Variants in PKD1 observed in about 807,000 individuals in gnomAD.
PKD1 encodes polycystin 1, transient receptor potential channel interacting, also known as polycystin-1.
Under a neutral mutation model 361.7 loss-of-function variants are expected in PKD1, and 81 were observed. The ratio of observed to expected loss-of-function variants is 0.22; its 90% CI spans 0.19 to 0.27. The LOEUF (loss-of-function observed/expected upper bound fraction) is 0.27, where lower values mean the gene tolerates loss of function less well. Ranked by LOEUF, PKD1 falls within the 10% of genes least tolerant of loss-of-function variation. The pLI, the probability that PKD1 is intolerant of heterozygous loss-of-function variation, is 1.00. For missense variants in PKD1, 6,399 were observed against 6,118.3 expected (o/e 1.05, Z -1.53); for synonymous variants, 3,615 against 2,818.3 (o/e 1.28, Z -8.95).
intron 23 of PKD1, 29 bp downstream of exon 23, chr16:2,103,237 G>A (rs1315081521): frequency 1.8e-5 from 29 of 1,606,602 alleles, no homozygotes; most frequent in Non-Finnish European, 2.3e-5. Flanking sequence ...AGGCCAGGGG[G>A]CCGCGTGTGC....
At position 2,108,651 on chromosome 16, in the gene PKD1, G is replaced by A. The variant is rs769005757; in HGVS notation, c.6516C>T (p.His2172=). 3.2e-5 allele frequency: 50 copies of A among 1,562,922 alleles called. No individual in the cohort carries two copies. Among genetic ancestry groups the A allele is most frequent in the South Asian group, 5.9e-5 (5 of 85,338 alleles). The part of the protein sequence containing the change: ...RRSQRNYLEA[H]VDLRDCVTYQ... ...AGGTGACGCAGTCGCGCAGGTCAACGTGGGCCTCCAAGTAGTTGCGCTGTG... is the reference window on the plus strand; with the variant it reads ...AGGTGACGCAGTCGCGCAGGTCAACATGGGCCTCCAAGTAGTTGCGCTGTG... The change falls in exon 15 of 46, where the codon CAC becomes CAT. Residue 2172 remains histidine (H), a synonymous_variant. Transcript: ENST00000262304.
chr16:2,114,511 C>A lies in PKD1; in HGVS notation c.2512G>T (p.Val838Leu), dbSNP rs764575507. 1.9e-6 allele frequency: 3 copies of A among 1,595,554 alleles called. No individual in the cohort carries two copies. Among genetic ancestry groups the A allele is most frequent in the Non-Finnish European group, 8.5e-7 (1 of 1,179,244 alleles). ...ACCAAGGCTGAGCCGTTGGTGGGCA[C>A]GTAGAGGCGGCCGTCGCGGGGGGCA... ...YPAPRDGRLY[V>L]PTNGSALVLQ... The change falls in exon 11 of 46, where the codon GTG becomes TTG. Residue 838 changes from valine (V) to leucine (L), a missense_variant. Val to Leu is a conservative substitution (Grantham distance 32). Transcript: ENST00000262304.
At position 2,111,603 on chromosome 16, in the gene PKD1, G is replaced by A. The variant is rs1047922967; in HGVS notation, c.3564C>T (p.His1188=). ...NHTYASRGTY[H]VRLEVNNTVS... is the part of the protein sequence containing the mutation. ...CCGTGTTGTTGACCTCCAGGCGCACGTGGTAGGTGCCCCTCGAGGCATAGG... is the reference window on the plus strand; with the variant it reads ...CCGTGTTGTTGACCTCCAGGCGCACATGGTAGGTGCCCCTCGAGGCATAGG... Residue 1188 remains histidine (H), a synonymous_variant, in exon 15 of 46, where the codon CAC becomes CAT. Coordinates refer to ENST00000262304, the MANE Select transcript of PKD1 (RefSeq NM_001009944.3). 1.1e-5 allele frequency: 18 copies of A among 1,574,362 alleles called. No homozygotes were observed. Among genetic ancestry groups the A allele is most frequent in the Non-Finnish European group, 1.5e-5 (17 of 1,161,048 alleles).
At position 2,130,011 on chromosome 16, in the gene PKD1, A is replaced by T. The variant is rs182668718; in HGVS notation, c.215+5464T>A. 3.5e-3 allele frequency among the ~76,000 whole-genome samples: 533 copies of T among 152,218 alleles called. 1 individual carries two copies. The highest frequency in any genetic ancestry group is 0.012 in the African/African-American group (514 of 41,540). ...CACATTCCCAACTGCTGCAGACACA[A>T]CCAAAGCCTCCCCATCCCTTCCCCC... On this transcript the variant is annotated intron_variant, in intron 1 of 45. Coordinates refer to ENST00000262304, the MANE Select transcript of PKD1 (RefSeq NM_001009944.3).
chr16:2,104,332 G>C (rs1431977704), intron 22 of PKD1, among the ~76,000 whole-genome samples, 166 bp downstream of exon 22: 6 of 84,394 alleles, frequency 7.1e-5, no homozygotes, highest in East Asian at 4.7e-4. Context: ...GAAGGGGGAG[G>C]GGGAGGAGAA....
chr16:2,134,486 C>G (rs2151856418), intron 1 of PKD1, among the ~76,000 whole-genome samples: 1 of 133,294 alleles, frequency 7.5e-6, no homozygotes, highest in Non-Finnish European at 1.5e-5. Flanking sequence ...AGGCATCAGA[C>G]TGGTCCCAAG....
intron 30 of PKD1, chr16:2,099,377 C>T (rs1392069057): frequency 2.0e-6 from 1 of 512,726 alleles, no homozygotes; most frequent in Non-Finnish European, 3.6e-6. Flanking sequence ...CTTGCTTCTT[C>T]TGAGTTATCT....
intron 34 of PKD1, among the ~76,000 whole-genome samples, chr16:2,095,936 A>G (rs1422600231): frequency 6.6e-6 from 1 of 152,168 alleles, no homozygotes; most frequent in Non-Finnish European, 1.5e-5. Context: ...CCAACCAGCA[A>G]TTTATTCATA....
intron 21 of PKD1, among the ~76,000 whole-genome samples, chr16:2,104,983 A>G: frequency 2.7e-5 from 2 of 73,164 alleles, no homozygotes; most frequent in African/African-American, 5.5e-5. Flanking sequence ...GGAGGGGAGG[A>G]GGGGAAGGGC....
rs1171307672 is a variant in PKD1, at chr16:2,106,191, A to G, written c.7603T>C (p.Tyr2535His). 6.2e-7 allele frequency: 1 copy of G among 1,610,092 alleles called. No individual in the cohort carries two copies. Among genetic ancestry groups the G allele is most frequent in the Non-Finnish European group, 8.5e-7 (1 of 1,179,482 alleles). The change falls in exon 19 of 46, where the codon TAC (tyrosine) becomes CAC (histidine). Residue 2535 changes from tyrosine (Y) to histidine (H), a missense_variant. Transcript: ENST00000262304. This position sits in a 1 kb window ranked among gnomAD's most constrained non-coding sequence, Gnocchi z 6.5. Reference sequence around the variant, plus strand: ...AAACCCGGGGGCAGCACGGCTCCGTAGCTGGAGAGGCTGCCCTTGTAGACA... The same window carrying G: ...AAACCCGGGGGCAGCACGGCTCCGTGGCTGGAGAGGCTGCCCTTGTAGACA... ...FCVYKGSLSSYGAVLPPGFRP... is the reference protein window; with the variant it reads ...FCVYKGSLSSHGAVLPPGFRP...
chr16:2,108,161 C>A, intron 15 of PKD1, 91 bp downstream of exon 15: 5 of 1,467,048 alleles, frequency 3.4e-6, no homozygotes, highest in Non-Finnish European at 4.7e-6. Flanking sequence ...GCACTGAGGA[C>A]GGGCCAGCCC....
At chr16:2,096,919 A>G (rs1431365782) in intron 34 of PKD1, 2 of 582,362 alleles carry the variant, frequency 3.4e-6, no homozygotes, top group African/African-American at 3.7e-5. Flanking sequence ...TTCTGCTCCT[A>G]CAAAGCCCCA....
rs2092644383 is a variant in PKD1, at chr16:2,116,755, C to T, written c.1606+78G>A. 4 of 1,080,732 alleles carry T rather than the reference C, an allele frequency of 3.7e-6. No individual in the cohort carries two copies. The Admixed American group carries it at 8.0e-5, about 22-fold the overall frequency. 66.9% of individuals were successfully genotyped at this position (1,080,732 alleles called of 1,614,324 possible). A position where few individuals can be genotyped will look rare whatever the true frequency, so the allele number is the denominator to read the frequency against. ...CCCCCCACCAGCCCCTCCTCCTCAG[C>T]CCAGGCTCCACCGCGGGCGCTCGGC... On this transcript the variant is annotated intron_variant, in intron 7 of 45. Coordinates refer to ENST00000262304, the MANE Select transcript of PKD1 (RefSeq NM_001009944.3).
chr16:2,092,372 G>A (rs777162333), intron 39 of PKD1, 108 bp downstream of exon 39: 42 of 974,704 alleles, frequency 4.3e-5, no homozygotes, highest in Non-Finnish European at 5.8e-5. Context: ...TGTTAAGAGG[G>A]CAAAGGTCAC....
chr16:2,101,143 G>A (rs558954148), intron 26 of PKD1, among the ~76,000 whole-genome samples: 51 of 152,160 alleles, frequency 3.4e-4, no homozygotes, highest in African/African-American at 1.1e-3. Context: ...CTGCCACTAC[G>A]CCGGGCTAAT....
intron 16 of PKD1, chr16:2,107,641 T>A: frequency 1.7e-6 from 1 of 594,314 alleles, no homozygotes; most frequent in East Asian, 2.9e-5. Context: ...ACTGTTGGTA[T>A]TGCTAGGGGA....
rs562246638 is a variant in PKD1, at chr16:2,112,808, C to T, written c.3141G>A (p.Ser1047=). The stretch of plus-strand genomic sequence containing the variant: ...CTCACAGGAAGGCCACCTCCACGGC[C>T]GAGTCCACCAGCACGCCCGCCGTCA... The part of the protein sequence containing the change: ...LALTAGVLVD[S]AVEVAFLWTF... The change falls in exon 13 of 46, where the codon TCG becomes TCA. Residue 1047 remains serine (S), a synonymous_variant. Coordinates refer to ENST00000262304, the MANE Select transcript of PKD1 (RefSeq NM_001009944.3). The T allele has an allele frequency of 1.4e-5, 23 of 1,598,474 alleles. 1 individual carries two copies. Among genetic ancestry groups the T allele is most frequent in the Admixed American group, 5.0e-5 (3 of 59,996 alleles).
chr16:2,088,758 G>A lies in PKD1; in HGVS notation c.*969C>T, dbSNP rs1362775126. 5.2e-6 allele frequency: 6 copies of A among 1,144,602 alleles called. No individual in the cohort carries two copies. Among genetic ancestry groups the A allele is most frequent in the South Asian group, 3.1e-5 (2 of 65,068 alleles). 70.9% of individuals were successfully genotyped at this position (1,144,602 alleles called of 1,614,324 possible). ...ACTTTGTCTGCTTGGTGCGGGGGTTGGGGGGGTGTCGAGGCTCTAGAAGCG... is the reference window on the plus strand; with the variant it reads ...ACTTTGTCTGCTTGGTGCGGGGGTTAGGGGGGTGTCGAGGCTCTAGAAGCG... On this transcript the variant is annotated 3_prime_UTR_variant, in exon 46 of 46. Coordinates refer to ENST00000262304, the MANE Select transcript of PKD1 (RefSeq NM_001009944.3).
chr16:2,093,457 G>A (rs1347832759), intron 37 of PKD1, 87 bp downstream of exon 37: 6 of 1,270,482 alleles, frequency 4.7e-6, no homozygotes, highest in South Asian at 2.7e-5. Flanking sequence ...GGTGAGGAAA[G>A]GGGGACAGGA....
Sources: allele counts gnomAD v4.1 joint callset (sites outside exome capture counted in the v4.1 genomes callset), GRCh38; gene constraint gnomAD v4.1.1; non-coding constraint Gnocchi (gnomAD v3.1); transcripts MANE v1.5; gene names NCBI Gene and HGNC (gene_info 2026-07-23, HGNC 2026-07-21).